MINDY2: variants seen among roughly 807,000 people sequenced by gnomAD.
MINDY2 encodes the protein ubiquitin carboxyl-terminal hydrolase MINDY-2.
In MINDY2, 52 loss-of-function variants were observed where a neutral mutation model predicts 68.2. The observed-to-expected ratio is 0.76, with a 90% CI of 0.61 to 0.96. MINDY2 has a LOEUF of 0.96. Among genes scored for constraint, MINDY2 ranks in the 40% least tolerant of loss-of-function variants. The pLI, the probability that MINDY2 is intolerant of heterozygous loss-of-function variation, is 0.00. For missense variants in MINDY2, 881 were observed against 773.4 expected, an observed-to-expected ratio of 1.14 and a Z score of -1.65; for synonymous variants, 372 against 303.0, an observed-to-expected ratio of 1.23 and a Z score of -2.36.
intron 3 of MINDY2, among the ~76,000 whole-genome samples, chr15:58,809,376 T>C (rs2030058470): frequency 6.6e-6 from 1 of 152,154 alleles, no homozygotes; most frequent in Non-Finnish European, 1.5e-5. Context: ...GTCCTCAAGG[T>C]TCATCTGGTT....
intron 6 of MINDY2, among the ~76,000 whole-genome samples, chr15:58,841,647 C>A (rs1316973796): frequency 1.3e-5 from 2 of 152,008 alleles, no homozygotes; most frequent in Non-Finnish European, 2.9e-5. Context: ...TCAGGTGATC[C>A]ACCTGCCTCG....
intron 8 of MINDY2, among the ~76,000 whole-genome samples, chr15:58,853,233 G>A (rs2032920064): frequency 6.6e-6 from 1 of 151,922 alleles, no homozygotes; most frequent in African/African-American, 2.4e-5. Context: ...GATTACAGGT[G>A]TGAGGCACCA....
Position 58,856,605 on chromosome 15 carries a change from C to T in MINDY2, c.*1995C>T, listed in dbSNP as rs2033069009. 6.6e-6 allele frequency: 1 copy of T among 152,080 alleles called. No individual in the cohort carries two copies. The highest frequency in any genetic ancestry group is 2.4e-5 in the African/African-American group (1 of 41,428). The allele number at this position is 152,080 out of a possible 1,614,324, so 9.4% of individuals were successfully genotyped here. ...TTGATTATAACCTAGAATATGTATA[C>T]GTTAGTAAAATAACCAGATATACTA... On this transcript the variant is annotated 3_prime_UTR_variant, in exon 9 of 9. Transcript: ENST00000559228.
intron 5 of MINDY2, among the ~76,000 whole-genome samples, chr15:58,826,575 T>C (rs1394093520): frequency 6.6e-6 from 1 of 152,216 alleles, no homozygotes; most frequent in African/African-American, 2.4e-5. Flanking sequence ...ATTGCAAATA[T>C]AGCACTTTAC....
chr15:58,845,250 A>G (rs1488821179), intron 6 of MINDY2, among the ~76,000 whole-genome samples: 2 of 152,116 alleles, frequency 1.3e-5, no homozygotes, highest in African/African-American at 2.4e-5. Context: ...TACTAAAAAT[A>G]CAAAAATTAG....
intron 8 of MINDY2, among the ~76,000 whole-genome samples, chr15:58,853,779 C>G (rs1295983123): frequency 7.0e-6 from 1 of 143,776 alleles, no homozygotes; most frequent in Non-Finnish European, 1.5e-5. Context: ...CGAGATTGTG[C>G]CACTGCACTC....
intron 1 of MINDY2, among the ~76,000 whole-genome samples, chr15:58,779,341 G>A (rs142607472): frequency 1.5e-3 from 228 of 152,362 alleles, no homozygotes; most frequent in Non-Finnish European, 1.9e-3. Flanking sequence ...GAGGCACCAT[G>A]AAGGTGAGCC....
chr15:58,801,931 C>CA (rs1555430179), intron 2 of MINDY2, among the ~76,000 whole-genome samples: 1 of 152,016 alleles, frequency 6.6e-6, no homozygotes, highest in Non-Finnish European at 1.5e-5. Flanking sequence ...TGCCAAACTT[C>CA]TTTTTTTTAC....
intron 1 of MINDY2, among the ~76,000 whole-genome samples, chr15:58,781,099 G>C (rs1188987127): frequency 3.6e-4 from 54 of 151,994 alleles, no homozygotes; most frequent in Non-Finnish European, 1.5e-5. Context: ...GCCCAGGCTG[G>C]AGTGCAATGG....
rs1024271710 is a variant in MINDY2 at position 58,859,543 on chromosome 15, A to G, written c.*4933A>G. ...TAGTATATTTTATTAATGATGTCCA[A>G]CACCTCTAAGATTGTTGAGAAAACA... is the stretch of plus-strand genomic sequence containing the variant. On this transcript the variant is annotated 3_prime_UTR_variant, in exon 9 of 9. Coordinates refer to ENST00000559228, the MANE Select transcript of MINDY2 (RefSeq NM_001040450.3). 1.3e-5 allele frequency: 2 copies of G among 152,198 alleles called. No individual in the cohort carries two copies. Among genetic ancestry groups the G allele is most frequent in the African/African-American group, 4.8e-5 (2 of 41,458 alleles). The allele number at this position is 152,198 out of a possible 1,614,324, so 9.4% of individuals were successfully genotyped here.
At chr15:58,821,868 AT>A in intron 5 of MINDY2, 49 bp downstream of exon 5, 1 of 1,257,776 alleles carries the variant, frequency 8.0e-7, no homozygotes, top group East Asian at 2.7e-5. Context: ...TGGCAAGATA[AT>A]TTTTCTTATA....
At chr15:58,812,756 GCTGAGGTGGGAGGATCA>G (rs2030380594) in intron 4 of MINDY2, among the ~76,000 whole-genome samples, 1 of 152,230 alleles carries the variant, frequency 6.6e-6, no homozygotes, top group Admixed American at 6.5e-5. Context: ...TATTCAGGAA[GCTGAGGTGGGAGGATCA>G]CTTGTGCCCA....
intron 6 of MINDY2, among the ~76,000 whole-genome samples, chr15:58,840,823 ATTTTTTTTTTTT>A (rs35724367): frequency 8.0e-6 from 1 of 124,790 alleles, no homozygotes; most frequent in Admixed American, 8.3e-5. Context: ...TGCCCAGCTA[ATTTTTTTTTTTT>A]TTTTTTGTAT....
In MINDY2 at chr15:58,854,562, AAAAGAT is replaced by A. The variant is rs1401930185; in HGVS notation, c.1824_1829del (p.Asp608_Lys609del). On this transcript the variant is annotated inframe_deletion, in exon 9 of 9. Coordinates refer to ENST00000559228, the MANE Select transcript of MINDY2 (RefSeq NM_001040450.3). ...AACGTAAACGGAAGGAACCACGAGAAAAAGATAAAGAAAAAGAAAAGGAAAAAAATA... is the reference window on the plus strand; with the variant it reads ...AACGTAAACGGAAGGAACCACGAGAAAAAGAAAAAGAAAAGGAAAAAAATA... 2.5e-6 allele frequency: 4 copies of A among 1,613,556 alleles called. No individual in the cohort carries two copies. The highest frequency in any genetic ancestry group is 1.7e-5 in the Admixed American group (1 of 59,982).
chr15:58,837,704 A>G (rs2032064882), intron 6 of MINDY2, among the ~76,000 whole-genome samples: 1 of 152,116 alleles, frequency 6.6e-6, no homozygotes, highest in Non-Finnish European at 1.5e-5. Context: ...CCAGGCTTAC[A>G]CATGTAATTG....
chr15:58,806,435 G>A (rs1479031579), intron 3 of MINDY2, among the ~76,000 whole-genome samples: 1 of 147,292 alleles, frequency 6.8e-6, no homozygotes, highest in Non-Finnish European at 1.5e-5. Context: ...GTGGCTCACT[G>A]CAGCCTCAAA....
At chr15:58,792,531 G>A (rs754955755) in intron 2 of MINDY2, among the ~76,000 whole-genome samples, 3 of 152,128 alleles carry the variant, frequency 2.0e-5, no homozygotes, top group Admixed American at 1.3e-4. Flanking sequence ...GCTTGAACCC[G>A]GGAGGCGGAC....
intron 2 of MINDY2, among the ~76,000 whole-genome samples, chr15:58,793,366 G>T (rs1432683528): frequency 1.3e-5 from 2 of 151,920 alleles, no homozygotes; most frequent in African/African-American, 4.8e-5. Flanking sequence ...GAGGAGAATC[G>T]CTTGAACCCA....
chr15:58,815,868 CG>C (rs2030652621), intron 4 of MINDY2: 1 of 151,836 alleles, frequency 6.6e-6, no homozygotes, highest in Non-Finnish European at 1.5e-5. Context: ...TTAGTAGAGA[CG>C]GGGCTTCATC....
Sources: allele counts gnomAD v4.1 joint callset (sites outside exome capture counted in the v4.1 genomes callset), GRCh38; gene constraint gnomAD v4.1.1; transcripts MANE v1.5; gene names NCBI Gene and HGNC (gene_info 2026-07-23, HGNC 2026-07-21).